SLC2A9: variants seen among roughly 807,000 people sequenced by gnomAD.
The protein encoded by SLC2A9 is solute carrier family 2 member 9.
A neutral mutation model predicts 50.6 loss-of-function variants in SLC2A9; 39 were observed. The observed-to-expected ratio is 0.77, with a 90% CI of 0.60 to 1.01. The LOEUF is 1.01. Ranked by LOEUF, SLC2A9 falls within the 50% of genes least tolerant of loss-of-function variation. The probability of loss-of-function intolerance (pLI) is 0.00; values close to 1 mark genes in which losing one functional copy is unlikely to be tolerated. For synonymous variants in SLC2A9, 324 were observed against 276.9 expected, an observed-to-expected ratio of 1.17 and a Z score of -1.69; for missense variants, 686 against 677.6, an observed-to-expected ratio of 1.01 and a Z score of -0.14.
chr4:10,036,202 C>A (rs1484286704), intron 1 of SLC2A9: 5 of 152,796 alleles, frequency 3.3e-5, no homozygotes, highest in Non-Finnish European at 5.8e-5. Flanking sequence ...GAGTAAACTA[C>A]ACTTGAGAAG....
At chr4:10,032,575 G>T (rs1412654748) in intron 1 of SLC2A9, among the ~76,000 whole-genome samples, 2 of 152,120 alleles carry the variant, frequency 1.3e-5, no homozygotes, top group Non-Finnish European at 2.9e-5. Flanking sequence ...GGTGGAAGCA[G>T]AGACCAAATT....
intron 8 of SLC2A9, among the ~76,000 whole-genome samples, chr4:9,901,485 C>T (rs1739604414): frequency 1.3e-5 from 2 of 152,176 alleles, no homozygotes; most frequent in African/African-American, 4.8e-5. Context: ...TTGTCACCCT[C>T]TGCCATTATC....
intron 10 of SLC2A9, among the ~76,000 whole-genome samples, chr4:9,883,589 G>C (rs562137526): frequency 2.0e-5 from 3 of 152,234 alleles, no homozygotes; most frequent in African/African-American, 7.2e-5. Flanking sequence ...GCTAGTGGCT[G>C]AATGCCATTA....
At chr4:9,879,910 T>C in intron 10 of SLC2A9, 1 of 985,458 alleles carries the variant, frequency 1.0e-6, no homozygotes, top group Non-Finnish European at 1.2e-6. Context: ...CTGCCTCTCT[T>C]GTTTTCTTTC....
At chr4:10,019,271 C>A in intron 1 of SLC2A9, 198 bp from the exon 2 acceptor site, 1 of 590,466 alleles carries the variant, frequency 1.7e-6, no homozygotes, top group African/African-American at 1.9e-5. Context: ...GTGCGCAGGC[C>A]GGGCGCCCTC....
upstream of SLC2A9, chr4:10,026,041 G>C: frequency 6.6e-7 from 1 of 1,506,114 alleles, no homozygotes; most frequent in Non-Finnish European, 9.2e-7. Flanking sequence ...CCATTAGACA[G>C]CTGCTTTCTC....
In SLC2A9 at chr4:9,942,052, GAGA is replaced by G; in HGVS notation, c.682-10_682-8del. 6.2e-7 allele frequency: 1 copy of G among 1,613,988 alleles called. No homozygotes were observed. Among genetic ancestry groups the G allele is most frequent in the Non-Finnish European group, 8.5e-7 (1 of 1,179,912 alleles). On this transcript the variant is annotated splice_polypyrimidine_tract_variant and splice_region_variant and intron_variant, in intron 5 of 11. Coordinates refer to ENST00000264784, the MANE Select transcript of SLC2A9 (RefSeq NM_020041.3). ...GGTATGGCCAGGTACTCTCCTGTGGGAGAAGGAGATGCTGCTGAGTGCAGTGGC... is the reference window on the plus strand; with the variant it reads ...GGTATGGCCAGGTACTCTCCTGTGGGAGGAGATGCTGCTGAGTGCAGTGGC...
At chr4:10,033,893 G>A (rs962837018) in intron 1 of SLC2A9, among the ~76,000 whole-genome samples, 6 of 152,186 alleles carry the variant, frequency 3.9e-5, no homozygotes, top group Non-Finnish European at 8.8e-5. Flanking sequence ...AAGCCCCAGG[G>A]CTAATGTCAT....
rs942154685 is a variant in SLC2A9, at chr4:9,783,226, C to T, written n.386-3161G>A. ...ATGAGCTCATCTCCTACAACCAAGA[C>T]ATCGTCTTCCACAAGGAAATCGCAG... On this transcript the variant is annotated intron_variant and non_coding_transcript_variant, in intron 3 of 3. Transcript: ENST00000503803. 9.9e-6 allele frequency: 16 copies of T among 1,614,136 alleles called. No individual in the cohort carries two copies. In the Admixed American group the frequency reaches 1.0e-4, roughly 10 times the overall value.
rs59081583 is a variant in SLC2A9, at chr4:9,886,424, CTGTGTGTGTGTGTGTGTG to C, written c.1291+1125_1291+1142del. 6.9e-3 allele frequency among the ~76,000 whole-genome samples: 941 copies of C among 135,642 alleles called. 7 individuals carry two copies. The highest frequency in any genetic ancestry group is 0.017 in the African/African-American group (621 of 36,946). The allele number at this position is 135,642 out of a possible 152,430, so 89.0% of individuals were successfully genotyped here. The stretch of plus-strand genomic sequence containing the variant: ...AGCCGTTCTGACCACCCTCATAGCA[CTGTGTGTGTGTGTGTGTG>C]TGTGTGTGTGTGTGTGTGTGTGTGT... On this transcript the variant is annotated intron_variant, in intron 10 of 11. Coordinates refer to ENST00000264784, the MANE Select transcript of SLC2A9 (RefSeq NM_020041.3).
intron 3 of SLC2A9, among the ~76,000 whole-genome samples, chr4:9,816,937 C>T (rs1723681163): frequency 6.6e-6 from 1 of 152,176 alleles, no homozygotes; most frequent in Admixed American, 6.5e-5. Flanking sequence ...CATAGAGACG[C>T]AACACCTTGG....
At chr4:10,010,188 A>G (rs1761527765) in intron 2 of SLC2A9, among the ~76,000 whole-genome samples, 1 of 152,208 alleles carries the variant, frequency 6.6e-6, no homozygotes, top group African/African-American at 2.4e-5. Context: ...TCACATCTAC[A>G]TGATGAAACC....
chr4:10,005,737 A>G (rs929055383), intron 2 of SLC2A9, among the ~76,000 whole-genome samples: 1 of 152,250 alleles, frequency 6.6e-6, no homozygotes, highest in African/African-American at 2.4e-5. Flanking sequence ...TGGATTTAAC[A>G]CTTGCTTGCA....
At chr4:9,933,069 G>A (rs1165598092) in intron 6 of SLC2A9, among the ~76,000 whole-genome samples, 2 of 152,198 alleles carry the variant, frequency 1.3e-5, no homozygotes, top group Non-Finnish European at 2.9e-5. Context: ...AGCAGTGTCA[G>A]TAAGAGATGG....
chr4:9,937,930 G>A (rs377164377), intron 6 of SLC2A9, among the ~76,000 whole-genome samples: 3 of 152,162 alleles, frequency 2.0e-5, no homozygotes, highest in East Asian at 1.9e-4. Context: ...AGCGGCCTCC[G>A]TTTGTGCCTG....
At chr4:9,873,118 A>C (rs1224601207) in intron 10 of SLC2A9, among the ~76,000 whole-genome samples, 3 of 152,156 alleles carry the variant, frequency 2.0e-5, no homozygotes, top group African/African-American at 4.8e-5. Flanking sequence ...CTCCAGTTTG[A>C]GTGTACCATA....
intron 10 of SLC2A9, among the ~76,000 whole-genome samples, chr4:9,871,841 A>C (rs766993629): frequency 6.6e-6 from 1 of 152,198 alleles, no homozygotes; most frequent in Non-Finnish European, 1.5e-5. Flanking sequence ...CTTCATGTGC[A>C]AAGTGGGAAT....
Position 9,977,816 on chromosome 4 carries a change from C to A in SLC2A9, c.681+2776G>T, listed in dbSNP as rs115140792. ...CCATTGGTCAATTGCCCTCCTGTGA[C>A]CTCCGAAGGGCAGGGCTAGCCTGAT... On this transcript the variant is annotated intron_variant, in intron 5 of 11. Coordinates refer to ENST00000264784, the MANE Select transcript of SLC2A9 (RefSeq NM_020041.3). Among the ~76,000 whole-genome samples, 3 of 152,130 alleles carry A rather than the reference C, an allele frequency of 2.0e-5. No individual in the cohort carries two copies. The East Asian group carries it at 5.8e-4, about 29-fold the overall frequency.
intron 3 of SLC2A9, among the ~76,000 whole-genome samples, chr4:9,810,684 G>A (rs1485809515): frequency 6.6e-6 from 1 of 152,234 alleles, no homozygotes; most frequent in Non-Finnish European, 1.5e-5. Context: ...GAAAGCTGCT[G>A]AGGGATTATG....
Sources: gnomAD v4.1 joint callset for allele counts (sites outside exome capture counted in the v4.1 genomes callset) on GRCh38, gnomAD v4.1.1 for gene constraint, MANE v1.5 for transcripts, NCBI Gene and HGNC (gene_info 2026-07-23, HGNC 2026-07-21) for gene names.